Variants in ACAA2 observed in about 807,000 individuals in gnomAD.
ACAA2 encodes acetyl-CoA acyltransferase 2, also known as 3-ketoacyl-CoA thiolase, mitochondrial.
In ACAA2, 35 loss-of-function variants were observed where a neutral mutation model predicts 44.8. That is an observed-to-expected ratio of 0.78 (90% CI 0.60 to 1.04). The LOEUF is 1.04. Among genes scored for constraint, ACAA2 ranks in the 50% least tolerant of loss-of-function variants. The pLI, the probability that ACAA2 is intolerant of heterozygous loss-of-function variation, is 0.00. For synonymous variants in ACAA2, 142 were observed against 166.5 expected, an observed-to-expected ratio of 0.85 and a Z score of 1.13; for missense variants, 468 against 482.6, an observed-to-expected ratio of 0.97 and a Z score of 0.28.
rs549038096 is a variant in ACAA2, at chr18:49,813,399, G to A, written c.16+70C>T. 5.3e-5 allele frequency: 62 copies of A among 1,172,834 alleles called. No homozygotes were observed. The South Asian group carries it at 2.4e-3, about 46-fold the overall frequency. The allele number at this position is 1,172,834 out of a possible 1,614,324, so 72.7% of individuals were successfully genotyped here. On this transcript the variant is annotated intron_variant, in intron 1 of 9. Coordinates refer to ENST00000285093, the MANE Select transcript of ACAA2 (RefSeq NM_006111.3). ...CGACCCCGACTCTCCGCGGCGGCCG[G>A]AAGCGGAGGCCTGGCCTGGGGAGGG...
chr18:49,805,766 T>C (rs573920899), intron 1 of ACAA2, among the ~76,000 whole-genome samples: 143 of 152,064 alleles, frequency 9.4e-4, no homozygotes, highest in Admixed American at 1.1e-3. Flanking sequence ...TTTCTTTTTT[T>C]TTTTTGTAGA....
At chr18:49,801,072 T>G (rs757704719) in intron 2 of ACAA2, among the ~76,000 whole-genome samples, 3 of 152,200 alleles carry the variant, frequency 2.0e-5, no homozygotes, top group Non-Finnish European at 2.9e-5. Flanking sequence ...CACATTGGAT[T>G]TCATTGTTTC....
intron 5 of ACAA2, among the ~76,000 whole-genome samples, chr18:49,792,621 T>C (rs756576090): frequency 1.3e-5 from 2 of 152,166 alleles, no homozygotes; most frequent in Non-Finnish European, 2.9e-5. Flanking sequence ...ATTTTTTTTA[T>C]ATTTTTAGTA....
intron 1 of ACAA2, among the ~76,000 whole-genome samples, chr18:49,810,253 C>CCA (rs1463338521): frequency 6.6e-6 from 1 of 152,170 alleles, no homozygotes; most frequent in Non-Finnish European, 1.5e-5. Flanking sequence ...ACGTAACACT[C>CCA]CACACCCCGT....
intron 8 of ACAA2, chr18:49,786,615 A>G (rs893231291): frequency 6.6e-6 from 1 of 152,190 alleles, no homozygotes; most frequent in African/African-American, 2.4e-5. Flanking sequence ...TCTATTAGTT[A>G]TTTCCCAATG....
At chr18:49,786,731 T>C (rs1206006132) in intron 8 of ACAA2, 1 of 152,214 alleles carries the variant, frequency 6.6e-6, no homozygotes, top group Non-Finnish European at 1.5e-5. Context: ...CTTTTAATTA[T>C]GCTTAAGACA....
intron 1 of ACAA2, 57 bp from the exon 2 acceptor site, chr18:49,802,910 G>A (rs1438607155): frequency 6.4e-7 from 1 of 1,563,570 alleles, no homozygotes; most frequent in East Asian, 2.2e-5. Flanking sequence ...ACCTCTAAAT[G>A]CTTCGAATAA....
chr18:49,803,049 A>T (rs2023573220), intron 1 of ACAA2, 196 bp from the exon 2 acceptor site: 1 of 663,710 alleles, frequency 1.5e-6, no homozygotes, highest in Non-Finnish European at 2.7e-6. Context: ...TTTGATCTTT[A>T]CCTACATGCA....
chr18:49,784,952 A>C (rs996953549), intron 9 of ACAA2, among the ~76,000 whole-genome samples: 13 of 152,186 alleles, frequency 8.5e-5, no homozygotes, highest in Non-Finnish European at 1.5e-4. Flanking sequence ...AGTGGGGCAC[A>C]CAGTGCACAG....
At chr18:49,802,143 T>C (rs2023558193) in intron 2 of ACAA2, among the ~76,000 whole-genome samples, 1 of 152,198 alleles carries the variant, frequency 6.6e-6, no homozygotes, top group African/African-American at 2.4e-5. Flanking sequence ...GAAGTCAATC[T>C]GCTATTTAGG....
At chr18:49,813,434 G>T (rs1369902546) in intron 1 of ACAA2, 35 bp downstream of exon 1, 2 of 1,236,886 alleles carry the variant, frequency 1.6e-6, no homozygotes, top group Non-Finnish European at 2.0e-6. Context: ...GCAGGACCCC[G>T]AGGGGCGAGG....
At chr18:49,810,311 T>C (rs962976167) in intron 1 of ACAA2, among the ~76,000 whole-genome samples, 1 of 152,098 alleles carries the variant, frequency 6.6e-6, no homozygotes, top group East Asian at 1.9e-4. Flanking sequence ...AATCCAAAGA[T>C]AACAAAAATA....
At chr18:49,800,437 G>A (rs996933575) in intron 2 of ACAA2, among the ~76,000 whole-genome samples, 6 of 152,210 alleles carry the variant, frequency 3.9e-5, no homozygotes, top group East Asian at 3.9e-4. Flanking sequence ...TGACCGTGGC[G>A]GTTTTGTGGA....
At chr18:49,794,522 CA>C in intron 4 of ACAA2, 95 bp from the exon 5 acceptor site, 1 of 1,044,126 alleles carries the variant, frequency 9.6e-7, no homozygotes, top group East Asian at 3.1e-5. Context: ...TTCCAATAAA[CA>C]AAAGTAAAAT....
At position 49,813,488 on chromosome 18, in the gene ACAA2, G is replaced by A; in HGVS notation, c.-4C>T. 1 of 1,241,804 alleles carries A rather than the reference G, an allele frequency of 8.1e-7. No homozygotes were observed. Among genetic ancestry groups the A allele is most frequent in the African/African-American group, 1.5e-5 (1 of 64,556 alleles). The allele number at this position is 1,241,804 out of a possible 1,614,324, so 76.9% of individuals were successfully genotyped here. A position where few individuals can be genotyped will look rare whatever the true frequency, so the allele number is the denominator to read the frequency against. On this transcript the variant is annotated 5_prime_UTR_variant, in exon 1 of 10. Coordinates refer to ENST00000285093, the MANE Select transcript of ACAA2 (RefSeq NM_006111.3). ...GCTCACCTCGGAGCAGAGCCATGGC[G>A]GCTGCTGGGTCGTCGGCGGCGCGGG...
rs1194966446 is a variant in ACAA2 at position 49,792,138 on chromosome 18, G to C, written c.753+14C>G. ...CCAGGAAGAATTCAAGCTAATCTGTGTGGTGATACCAACCGATGCATTCCC... is the reference window on the plus strand; with the variant it reads ...CCAGGAAGAATTCAAGCTAATCTGTCTGGTGATACCAACCGATGCATTCCC... On this transcript the variant is annotated intron_variant, in intron 6 of 9. Transcript: ENST00000285093. The C allele has an allele frequency of 1.2e-6, 2 of 1,606,954 alleles. No homozygotes were observed. The highest frequency in any genetic ancestry group is 1.7e-6 in the Non-Finnish European group (2 of 1,174,546).
At chr18:49,797,077 C>T (rs11082783) in intron 3 of ACAA2, among the ~76,000 whole-genome samples, 29,256 of 151,948 alleles carry the variant, frequency 0.19, 3,283 homozygotes, top group East Asian at 0.4. Flanking sequence ...ATCTCCAGAA[C>T]GCTTTTCATC....
chr18:49,808,563 G>A lies in ACAA2; in HGVS notation c.16+4906C>T, dbSNP rs553473909. The stretch of plus-strand genomic sequence containing the variant: ...AGAGGAATTTTACAGCTGGGCCGCC[G>A]GGGGTGACATCACATATCGGTAGGT... On this transcript the variant is annotated intron_variant, in intron 1 of 9. Transcript: ENST00000285093. 1.6e-4 allele frequency among the ~76,000 whole-genome samples: 24 copies of A among 152,224 alleles called. No individual in the cohort carries two copies. In the South Asian group the frequency reaches 2.5e-3, roughly 16 times the overall value.
chr18:49,784,095 G>C (rs2023298173), intron 9 of ACAA2, among the ~76,000 whole-genome samples, 164 bp from the exon 10 acceptor site: 1 of 151,192 alleles, frequency 6.6e-6, no homozygotes, highest in South Asian at 2.1e-4. Flanking sequence ...AACAGACTTT[G>C]GAAAGCTGAA....
Sources: gnomAD v4.1 joint callset for allele counts (sites outside exome capture counted in the v4.1 genomes callset) on GRCh38, gnomAD v4.1.1 for gene constraint, MANE v1.5 for transcripts, NCBI Gene and HGNC (gene_info 2026-07-23, HGNC 2026-07-21) for gene names.